SAMD5: variants seen among roughly 807,000 people sequenced by gnomAD.
SAMD5 encodes the protein sterile alpha motif domain containing 5, also known as sterile alpha motif domain-containing protein 5.
SAMD5 carries 13 observed loss-of-function variants against 11.3 expected under a neutral mutation model. The observed-to-expected ratio is 1.15, with a 90% CI of 0.75 to 1.83. The LOEUF (loss-of-function observed/expected upper bound fraction) is 1.83, where lower values mean the gene tolerates loss of function less well. Ranked by LOEUF, SAMD5 falls within the 40% of genes most tolerant of loss-of-function variation. SAMD5 has a pLI of 0.00. For synonymous variants in SAMD5, 129 were observed against 111.3 expected, an observed-to-expected ratio of 1.16 and a Z score of -1.00; for missense variants, 255 against 239.1, an observed-to-expected ratio of 1.07 and a Z score of -0.44.
At chr6:147,660,635 C>T (rs866819224) in intron 1 of SAMD5, 1 of 152,060 alleles carries the variant, frequency 6.6e-6, no homozygotes, top group Admixed American at 6.6e-5. Flanking sequence ...TCGCTGTTCT[C>T]GCGATAGTGA....
At chr6:147,716,880 G>T (rs1278724169) in intron 1 of SAMD5, among the ~76,000 whole-genome samples, 1 of 152,224 alleles carries the variant, frequency 6.6e-6, no homozygotes, top group East Asian at 1.9e-4. Context: ...AACTTTACTT[G>T]AATCTTGACA....
At chr6:147,726,692 T>G (rs909727584) in intron 1 of SAMD5, among the ~76,000 whole-genome samples, 11 of 152,246 alleles carry the variant, frequency 7.2e-5, no homozygotes, top group African/African-American at 2.4e-4. Context: ...GAGCTTATCT[T>G]TGGTGCATGA....
At chr6:147,646,193 T>G (rs1790398835) in intron 1 of SAMD5, among the ~76,000 whole-genome samples, 1 of 152,068 alleles carries the variant, frequency 6.6e-6, no homozygotes, top group Non-Finnish European at 1.5e-5. Flanking sequence ...GTACCAATAC[T>G]CTACTGGTGA....
the SAMD5 span, among the ~76,000 whole-genome samples, chr6:147,896,738 C>CAAAAAAAAAAAAAAAAAAAAAAA: frequency 1.8e-5 from 1 of 55,318 alleles, no homozygotes; most frequent in Non-Finnish European, 3.4e-5. Flanking sequence ...GAACATTAAC[C>CAAAAAAAAAAAAAAAAAAAAAAA]AAAAAAAAAA....
the SAMD5 span, among the ~76,000 whole-genome samples, chr6:147,910,073 C>T: frequency 1.3e-5 from 2 of 152,096 alleles, no homozygotes; most frequent in Non-Finnish European, 2.9e-5. Context: ...AGGAAATTAT[C>T]ATCTAATCCC....
intron 1 of SAMD5, among the ~76,000 whole-genome samples, chr6:147,589,547 C>T (rs1317115423): frequency 6.6e-6 from 1 of 152,110 alleles, no homozygotes; most frequent in Non-Finnish European, 1.5e-5. Context: ...GCTAGCCAGC[C>T]TCTCCAAGCC....
chr6:147,551,544 A>G (rs917800543), intron 1 of SAMD5, among the ~76,000 whole-genome samples: 1 of 152,064 alleles, frequency 6.6e-6, no homozygotes, highest in Non-Finnish European at 1.5e-5. Context: ...CTGAATGTTA[A>G]GGTGGCAGAT....
the SAMD5 span, among the ~76,000 whole-genome samples, chr6:147,888,522 A>G: frequency 1.3e-5 from 2 of 152,082 alleles, no homozygotes; most frequent in East Asian, 3.9e-4. Flanking sequence ...GTTTCCAATG[A>G]GAAATCTGTT....
chr6:147,741,283 C>T (rs1039414506), downstream of SAMD5, among the ~76,000 whole-genome samples: 5 of 152,102 alleles, frequency 3.3e-5, no homozygotes, highest in African/African-American at 4.8e-5. Context: ...TTCCTGAAGC[C>T]GTTGACATAC....
At chr6:147,933,124 A>T in the SAMD5 span, among the ~76,000 whole-genome samples, 1 of 152,134 alleles carries the variant, frequency 6.6e-6, no homozygotes, top group Non-Finnish European at 1.5e-5. Context: ...TCCATCACAA[A>T]ACAGAAGATT....
At chr6:147,807,392 T>C in the SAMD5 span, among the ~76,000 whole-genome samples, 1 of 152,220 alleles carries the variant, frequency 6.6e-6, no homozygotes, top group East Asian at 1.9e-4. Context: ...CATGAGCCAC[T>C]GTGCCCAGCC....
the SAMD5 span, among the ~76,000 whole-genome samples, chr6:147,809,182 G>A: frequency 1.3e-5 from 2 of 150,836 alleles, no homozygotes; most frequent in East Asian, 1.9e-4. Flanking sequence ...TTTTCCTTCT[G>A]CATACATTAT....
chr6:147,941,848 AGTTG>A, the SAMD5 span, among the ~76,000 whole-genome samples: 1 of 124,986 alleles, frequency 8.0e-6, no homozygotes, highest in African/African-American at 3.0e-5. Context: ...GTGTGTGTGA[AGTTG>A]GTTTGTTTGT....
chr6:147,716,189 C>T (rs1001280168), intron 1 of SAMD5, among the ~76,000 whole-genome samples: 8 of 152,192 alleles, frequency 5.3e-5, no homozygotes, highest in African/African-American at 1.9e-4. Context: ...ACCACCTCGG[C>T]CTCCTTCCTG....
the SAMD5 span, among the ~76,000 whole-genome samples, chr6:147,944,856 T>G: frequency 6.6e-6 from 1 of 152,056 alleles, no homozygotes; most frequent in Non-Finnish European, 1.5e-5. Flanking sequence ...GCCTCTTCCT[T>G]GCTTCTGGTG....
intron 1 of SAMD5, among the ~76,000 whole-genome samples, chr6:147,620,962 CTGTGTGTGTGTG>C (rs78040354): frequency 7.8e-6 from 1 of 128,452 alleles, no homozygotes; most frequent in Non-Finnish European, 1.7e-5. Flanking sequence ...GTATGTGCCT[CTGTGTGTGTGTG>C]TGTGTGTGTG....
Position 147,509,316 on chromosome 6 carries a change from C to G in SAMD5, c.388C>G (p.Leu130Val), listed in dbSNP as rs1440806962. 1.3e-6 allele frequency: 2 copies of G among 1,581,506 alleles called. No homozygotes were observed. The highest frequency in any genetic ancestry group is 1.4e-5 in the African/African-American group (1 of 72,582). Residue 130 changes from leucine (L) to valine (V), a missense_variant, in exon 1 of 2, where the codon CTG becomes GTG. Transcript: ENST00000367474. Reference sequence around the variant, plus strand: ...GCTGGTGAGCTACCCCAAACTGAAGCTGAAGATCATGATCAGGGATAAGCT... The same window carrying G: ...GCTGGTGAGCTACCCCAAACTGAAGGTGAAGATCATGATCAGGGATAAGCT... ...RELVSYPKLK[L>V]KIMIRDKLVR...
the SAMD5 span, among the ~76,000 whole-genome samples, chr6:147,827,456 A>G: frequency 6.6e-6 from 1 of 152,206 alleles, no homozygotes; most frequent in Non-Finnish European, 1.5e-5. Context: ...CAATGAGAGG[A>G]AAGTACAAAC....
At chr6:147,784,582 C>G in the SAMD5 span, among the ~76,000 whole-genome samples, 1 of 152,216 alleles carries the variant, frequency 6.6e-6, no homozygotes, top group African/African-American at 2.4e-5. Context: ...TTTGCAAATG[C>G]AGCAATTACT....
Sources: allele counts gnomAD v4.1 joint callset (sites outside exome capture counted in the v4.1 genomes callset), GRCh38; gene constraint gnomAD v4.1.1; transcripts MANE v1.5; gene names NCBI Gene and HGNC (gene_info 2026-07-23, HGNC 2026-07-21).